The following PAQR3 variants were observed in gnomAD, a reference collection of about 807,000 sequenced individuals.
The protein encoded by PAQR3 is Raf kinase trapping to Golgi.
A neutral mutation model predicts 41.7 loss-of-function variants in PAQR3; 39 were observed. The ratio of observed to expected loss-of-function variants is 0.93; its 90% CI spans 0.72 to 1.22. The LOEUF (loss-of-function observed/expected upper bound fraction) is 1.22. Ranked by LOEUF, PAQR3 falls within the 50% of genes most tolerant of loss-of-function variation. The probability of loss-of-function intolerance (pLI) is 0.00; values close to 1 mark genes in which losing one functional copy is unlikely to be tolerated. For missense variants in PAQR3, 366 were observed against 385.6 expected, an observed-to-expected ratio of 0.95 and a Z score of 0.42; for synonymous variants, 140 against 140.6, an observed-to-expected ratio of 1.00 and a Z score of 0.03.
At chr4:78,889,053 C>T (rs1733270667) in intron 11 of PAQR3, among the ~76,000 whole-genome samples, 2 of 152,134 alleles carry the variant, frequency 1.3e-5, no homozygotes, top group Middle Eastern at 3.4e-3. Flanking sequence ...AACCCCATCT[C>T]TACTAAAAAT....
intron 3 of PAQR3, 124 bp from the exon 4 acceptor site, chr4:78,926,842 G>T: frequency 1.2e-6 from 1 of 805,484 alleles, no homozygotes; most frequent in Non-Finnish European, 2.0e-6. Flanking sequence ...TTCAAAATAG[G>T]ATTATCTCCC....
chr4:78,929,326 T>C (rs776804086), intron 3 of PAQR3, among the ~76,000 whole-genome samples: 3 of 152,082 alleles, frequency 2.0e-5, no homozygotes, highest in Non-Finnish European at 4.4e-5. Flanking sequence ...AAGGGCATGG[T>C]AGAAAAACAG....
downstream of PAQR3, chr4:78,911,445 G>A (rs781716389): frequency 2.5e-6 from 4 of 1,614,042 alleles, no homozygotes; most frequent in Non-Finnish European, 3.4e-6. Context: ...CGGGGAGCCA[G>A]CAGCAAAAAG....
At chr4:78,923,997 T>A (rs138239323) in intron 4 of PAQR3, 50 bp from the exon 5 acceptor site, 1 of 1,299,460 alleles carries the variant, frequency 7.7e-7, no homozygotes, top group African/African-American at 1.5e-5. Context: ...GTTACTGAAC[T>A]CTAAATTTAT....
chr4:78,906,419 C>T (rs191964532), intron 10 of PAQR3, among the ~76,000 whole-genome samples: 1 of 152,146 alleles, frequency 6.6e-6, no homozygotes, highest in Non-Finnish European at 1.5e-5. Flanking sequence ...CCCCAGTTGC[C>T]CGTACTATTT....
At chr4:78,902,391 T>A (rs1033370388) in intron 11 of PAQR3, among the ~76,000 whole-genome samples, 2 of 152,016 alleles carry the variant, frequency 1.3e-5, no homozygotes, top group Non-Finnish European at 2.9e-5. Flanking sequence ...TAGGATTCTC[T>A]TCTTATACTC....
downstream of PAQR3, chr4:78,910,481 A>C: frequency 2.6e-6 from 2 of 775,132 alleles, no homozygotes; most frequent in Non-Finnish European, 4.0e-6. Context: ...AATTGACAAC[A>C]TTATTTTTTC....
chr4:78,923,019 TG>T, intron 5 of PAQR3: 1 of 455,666 alleles, frequency 2.2e-6, no homozygotes, highest in Non-Finnish European at 4.4e-6. Context: ...TATTGGCTTG[TG>T]TATCTTGGAA....
chr4:78,907,841 C>T (rs113322983), downstream of PAQR3, among the ~76,000 whole-genome samples: 5 of 152,130 alleles, frequency 3.3e-5, 1 homozygote, highest in African/African-American at 9.6e-5. Flanking sequence ...TGGAGGTGTC[C>T]GTGAGCAGGC....
intron 2 of PAQR3, among the ~76,000 whole-genome samples, chr4:78,932,147 C>G (rs1736967484): frequency 6.6e-6 from 1 of 152,196 alleles, no homozygotes; most frequent in Non-Finnish European, 1.5e-5. Context: ...AATCTAGTTA[C>G]TATAGACTCA....
At chr4:78,908,009 A>G (rs1242484670), downstream of PAQR3, among the ~76,000 whole-genome samples, 4 of 152,198 alleles carry the variant, frequency 2.6e-5, no homozygotes, top group East Asian at 7.7e-4. Flanking sequence ...ATAAAAATTC[A>G]TAAAAATAAA....
In PAQR3 at chr4:78,923,964, G is replaced by GT. The variant is rs555738031; in HGVS notation, c.703-18dup. The GT allele has an allele frequency of 2.4e-4, 383 of 1,565,218 alleles. 2 individuals carry two copies. The African/African-American group carries it at 3.4e-3, about 14-fold the overall frequency. On this transcript the variant is annotated splice_polypyrimidine_tract_variant and intron_variant, in intron 4 of 5. Transcript: ENST00000512733. ...TGCAAAGTCCTGAAAAGCAGAACATGTTTTTTTACAGATCTTCCTACTGTT... is the reference window on the plus strand; with the variant it reads ...TGCAAAGTCCTGAAAAGCAGAACATGTTTTTTTTACAGATCTTCCTACTGTT...
chr4:78,926,179 T>C (rs189368586), intron 4 of PAQR3, among the ~76,000 whole-genome samples: 13 of 152,296 alleles, frequency 8.5e-5, no homozygotes, highest in East Asian at 5.8e-4. Flanking sequence ...TGCGTTATCA[T>C]TGGCATTATC....
downstream of PAQR3, among the ~76,000 whole-genome samples, chr4:78,907,724 A>G (rs1734357991): frequency 6.6e-6 from 1 of 152,152 alleles, no homozygotes; most frequent in African/African-American, 2.4e-5. Flanking sequence ...TGCAGAGTGC[A>G]CCATTTCATA....
At chr4:78,911,280 A>G (rs544163552), downstream of PAQR3, 1 of 1,614,022 alleles carries the variant, frequency 6.2e-7, no homozygotes, top group South Asian at 1.1e-5. Flanking sequence ...ATGTACAAGA[A>G]TGCCATGCAG....
chr4:78,911,519 A>G (rs1560560880), downstream of PAQR3: 1 of 1,613,936 alleles, frequency 6.2e-7, no homozygotes. Context: ...GATATGTCCA[A>G]AAGTAATGGG....
At position 78,926,867 on chromosome 4, in the gene PAQR3, T is replaced by C. The variant is rs568525410; in HGVS notation, c.505-149A>G. The C allele has an allele frequency of 4.2e-6, 3 of 721,748 alleles. No individual in the cohort carries two copies. The South Asian group carries it at 5.8e-5, about 14-fold the overall frequency. The allele number at this position is 721,748 out of a possible 1,614,324, so 44.7% of individuals were successfully genotyped here. A position where few individuals can be genotyped will look rare whatever the true frequency, so the allele number is the denominator to read the frequency against. On this transcript the variant is annotated intron_variant, in intron 3 of 5. Transcript: ENST00000512733. Reference sequence around the variant, plus strand: ...GATTATCTCCCTTCATTAAAAAATATGTTCCATACAACTTTTAGGTTTGTC... The same window carrying C: ...GATTATCTCCCTTCATTAAAAAATACGTTCCATACAACTTTTAGGTTTGTC...
chr4:78,920,856 A>G (rs757894579), intron 5 of PAQR3, among the ~76,000 whole-genome samples, 175 bp from the exon 6 acceptor site: 13 of 151,952 alleles, frequency 8.6e-5, no homozygotes, highest in Non-Finnish European at 1.6e-4. Context: ...TTTGGGTCTA[A>G]TTTTAAGGTT....
At chr4:78,893,030 G>A (rs1733524951) in intron 11 of PAQR3, among the ~76,000 whole-genome samples, 2 of 152,192 alleles carry the variant, frequency 1.3e-5, no homozygotes, top group South Asian at 4.1e-4. Flanking sequence ...AGACTTCTCT[G>A]TACATGCAAT....
Sources: gnomAD v4.1 joint callset for allele counts (sites outside exome capture counted in the v4.1 genomes callset) on GRCh38, gnomAD v4.1.1 for gene constraint, MANE v1.5 for transcripts, NCBI Gene and HGNC (gene_info 2026-07-23, HGNC 2026-07-21) for gene names.